Variants in PAK3 observed in about 807,000 individuals in gnomAD.
PAK3 encodes p21 (RAC1) activated kinase 3, also known as serine/threonine-protein kinase PAK 3.
PAK3 carries 4 observed loss-of-function variants against 41.0 expected under a neutral mutation model. That is an observed-to-expected ratio of 0.10 (90% CI 0.05 to 0.22). PAK3 has a LOEUF of 0.22. Among genes scored for constraint, PAK3 ranks in the 10% least tolerant of loss-of-function variants. The pLI is 1.00. For missense variants in PAK3, 205 were observed against 409.9 expected, an observed-to-expected ratio of 0.50 and a Z score of 4.32; for synonymous variants, 146 against 139.6, an observed-to-expected ratio of 1.05 and a Z score of -0.32.
chrX:111,144,558 T>G (rs2093918312), intron 6 of PAK3, among the ~76,000 whole-genome samples: 1 of 111,630 alleles, frequency 9.0e-6, no homozygotes, highest in Admixed American at 9.5e-5. Context: ...ACTAATTTAT[T>G]GTGTGTTGGG....
intron 8 of PAK3, among the ~76,000 whole-genome samples, chrX:111,154,379 A>C (rs1324053392): frequency 9.0e-6 from 1 of 111,481 alleles, no homozygotes; most frequent in East Asian, 2.8e-4. Flanking sequence ...TGATTTCCCC[A>C]TTTACTAAGT....
intron 16 of PAK3, among the ~76,000 whole-genome samples, chrX:111,211,688 AAAAG>A (rs2149383356): frequency 9.1e-6 from 1 of 109,344 alleles, no homozygotes; most frequent in Admixed American, 9.8e-5. Context: ...AAAAAAAAAA[AAAAG>A]AAAGAAAATG....
intron 4 of PAK3, among the ~76,000 whole-genome samples, chrX:111,120,559 C>T (rs762316874): frequency 8.9e-6 from 1 of 111,739 alleles, no homozygotes; most frequent in East Asian, 2.8e-4. Flanking sequence ...TGTCTTATCA[C>T]GCAAGATCAG....
intron 1 of PAK3, among the ~76,000 whole-genome samples, chrX:111,071,359 C>T: frequency 8.9e-6 from 1 of 112,075 alleles, no homozygotes; most frequent in East Asian, 2.8e-4. Flanking sequence ...TAGGAAACAT[C>T]ACTTTAAGCA....
At chrX:110,974,213 C>G (rs1039924438) in intron 1 of PAK3, among the ~76,000 whole-genome samples, 1 of 111,113 alleles carries the variant, frequency 9.0e-6, no homozygotes, top group East Asian at 2.8e-4. Flanking sequence ...AACAAGCAGA[C>G]CTAATAGACA....
At chrX:110,997,456 G>C (rs1274589404) in intron 1 of PAK3, among the ~76,000 whole-genome samples, 1 of 111,369 alleles carries the variant, frequency 9.0e-6, no homozygotes, top group African/African-American at 3.3e-5. Context: ...AATGATATGA[G>C]AACCAATAAG....
At chrX:111,165,189 T>G (rs1233127854) in intron 10 of PAK3, among the ~76,000 whole-genome samples, 2 of 111,814 alleles carry the variant, frequency 1.8e-5, no homozygotes, top group Non-Finnish European at 3.8e-5. Context: ...AAGGCAAAGG[T>G]CGGAGTTGCA....
intron 1 of PAK3, among the ~76,000 whole-genome samples, chrX:111,009,458 G>A (rs2091980486): frequency 9.7e-6 from 1 of 103,298 alleles, no homozygotes; most frequent in African/African-American, 3.4e-5. Flanking sequence ...CTGAAAGCAG[G>A]CACAGCACAA....
At chrX:111,139,310 C>G (rs1308599522) in intron 5 of PAK3, among the ~76,000 whole-genome samples, 1 of 111,117 alleles carries the variant, frequency 9.0e-6, no homozygotes, top group Non-Finnish European at 1.9e-5. Context: ...TCTAGTAAAT[C>G]TGAAGTACCC....
chrX:111,170,743 C>T (rs953189536), intron 10 of PAK3, among the ~76,000 whole-genome samples: 1 of 110,605 alleles, frequency 9.0e-6, no homozygotes, highest in Admixed American at 9.6e-5. Context: ...AATAAGAATT[C>T]ATGGGTTAGA....
At chrX:110,990,878 A>G (rs1272462834) in intron 1 of PAK3, among the ~76,000 whole-genome samples, 1 of 110,966 alleles carries the variant, frequency 9.0e-6, no homozygotes, top group Non-Finnish European at 1.9e-5. Context: ...CTGTAATCCC[A>G]GCAATTTGGG....
rs866468719 is a variant in PAK3 at position 111,173,041 on chromosome X, C to A, written c.790C>A (p.Pro264Thr). Reference sequence around the variant, plus strand: ...AGGAAGCATTGTGAGTGTTGGGGACCCAAAGAAAAAATACACAAGATTTGA... The same window carrying A: ...AGGAAGCATTGTGAGTGTTGGGGACACAAAGAAAAAATACACAAGATTTGA... ...KLRSIVSVGD[P>T]KKKYTRFEKI... Residue 264 changes from proline to threonine, a missense_variant, in exon 11 of 18, where the codon CCA (proline) becomes ACA (threonine). Physicochemically the swap from Pro to Thr is conservative, Grantham distance 38. This residue lies in a region of PAK3 where 75 missense variants were observed against 91.9 expected (regional missense o/e 0.82). Transcript: ENST00000372007. 1 of 1,145,427 alleles carries A rather than the reference C, an allele frequency of 8.7e-7. No homozygotes were observed. Among genetic ancestry groups the A allele is most frequent in the Non-Finnish European group, 1.2e-6 (1 of 837,672 alleles). 94.4% of individuals were successfully genotyped at this position (1,145,427 alleles called of 1,213,427 possible).
intron 4 of PAK3, among the ~76,000 whole-genome samples, chrX:111,115,182 C>T (rs2093440521): frequency 8.9e-6 from 1 of 112,118 alleles, no homozygotes; most frequent in South Asian, 3.7e-4. Context: ...TGGACAGCAG[C>T]AGCTGCAACC....
At chrX:111,122,486 C>A (rs1418825441) in intron 4 of PAK3, among the ~76,000 whole-genome samples, 1 of 109,370 alleles carries the variant, frequency 9.1e-6, no homozygotes, top group East Asian at 2.9e-4. Flanking sequence ...ATTGTTTACC[C>A]TAACAGCACA....
chrX:111,058,071 C>A (rs2092620715), intron 1 of PAK3, among the ~76,000 whole-genome samples: 1 of 112,128 alleles, frequency 8.9e-6, no homozygotes, highest in African/African-American at 3.2e-5. Flanking sequence ...TTTGGTGATT[C>A]ATGCAACATT....
intron 17 of PAK3, chrX:111,216,819 C>T (rs1347167493): frequency 2.7e-6 from 1 of 369,339 alleles, no homozygotes; most frequent in Non-Finnish European, 3.5e-6. Context: ...AAAAAAAAAG[C>T]AATGTGACCC....
chrX:111,103,494 C>T (rs1459968720), intron 4 of PAK3, among the ~76,000 whole-genome samples, 188 bp downstream of exon 4: 1 of 112,241 alleles, frequency 8.9e-6, no homozygotes, highest in Non-Finnish European at 1.9e-5. Flanking sequence ...TCCCTCCCAT[C>T]TCTAATATGG....
At chrX:110,984,770 G>A (rs1043783720) in intron 1 of PAK3, among the ~76,000 whole-genome samples, 1 of 110,100 alleles carries the variant, frequency 9.1e-6, no homozygotes, top group Non-Finnish European at 1.9e-5. Context: ...GCAGCCTTAC[G>A]CCCCCCCGCC....
At chrX:110,945,867 T>C (rs1237529779) in intron 1 of PAK3, among the ~76,000 whole-genome samples, 2 of 112,182 alleles carry the variant, frequency 1.8e-5, no homozygotes, top group Admixed American at 9.4e-5. Context: ...TAATAAAGCA[T>C]TGTTTTTCAG....
Sources: gnomAD v4.1 joint callset for allele counts (sites outside exome capture counted in the v4.1 genomes callset) on GRCh38, gnomAD v4.1.1 for gene constraint, gnomAD v4.1.1 regional missense constraint, MANE v1.5 for transcripts, NCBI Gene and HGNC (gene_info 2026-07-23, HGNC 2026-07-21) for gene names.